SORCS2: variants seen among roughly 807,000 people sequenced by gnomAD.
SORCS2 encodes the protein sortilin related VPS10 domain containing receptor 2.
Under a neutral mutation model 141.6 loss-of-function variants are expected in SORCS2, and 100 were observed. The observed-to-expected ratio is 0.71, with a 90% CI of 0.60 to 0.83. The LOEUF is 0.83. SORCS2 is among the 40% of genes least tolerant of loss of function. SORCS2 has a pLI of 0.00. For missense variants in SORCS2, 1,646 were observed against 1,560.2 expected, an observed-to-expected ratio of 1.05 and a Z score of -0.93; for synonymous variants, 789 against 676.9, an observed-to-expected ratio of 1.17 and a Z score of -2.57.
intron 2 of SORCS2, among the ~76,000 whole-genome samples, chr4:7,521,636 G>C (rs755359481): frequency 6.6e-6 from 1 of 152,186 alleles, no homozygotes; most frequent in Non-Finnish European, 1.5e-5. Flanking sequence ...GAACTGGAAC[G>C]TGACCGAAGC....
chr4:7,360,119 T>A (rs3916113), intron 1 of SORCS2, among the ~76,000 whole-genome samples: 15,443 of 152,302 alleles, frequency 0.1, 860 homozygotes, highest in Middle Eastern at 0.14. Flanking sequence ...ATCTTTTTAA[T>A]GTTGCCAACG....
chr4:7,202,946 G>A (rs1727552405), intron 1 of SORCS2, among the ~76,000 whole-genome samples: 1 of 151,640 alleles, frequency 6.6e-6, no homozygotes. Flanking sequence ...GCTGCGTCAG[G>A]CACGTCATGC....
At chr4:7,512,249 G>A (rs1407104023) in intron 2 of SORCS2, among the ~76,000 whole-genome samples, 1 of 151,960 alleles carries the variant, frequency 6.6e-6, no homozygotes, top group Non-Finnish European at 1.5e-5. Flanking sequence ...CTCTGTGGCC[G>A]CATCTCGAAG....
chr4:7,376,780 T>C (rs10516185), intron 1 of SORCS2, among the ~76,000 whole-genome samples: 10,362 of 150,240 alleles, frequency 0.069, 994 homozygotes, highest in African/African-American at 0.22. Flanking sequence ...ACACTCCAAT[T>C]GAGTTAAACA....
intron 1 of SORCS2, among the ~76,000 whole-genome samples, chr4:7,360,975 C>G (rs570120883): frequency 6.6e-6 from 1 of 152,192 alleles, no homozygotes; most frequent in South Asian, 2.1e-4. Context: ...CCCTGTGGCT[C>G]TTGCATCAGG....
intron 2 of SORCS2, among the ~76,000 whole-genome samples, chr4:7,424,306 C>A (rs1351982815): frequency 6.6e-6 from 1 of 152,226 alleles, no homozygotes; most frequent in African/African-American, 2.4e-5. Flanking sequence ...TTCAGGAAAC[C>A]CCACGATGGC....
intron 1 of SORCS2, among the ~76,000 whole-genome samples, chr4:7,384,852 G>A (rs891398683): frequency 2.6e-5 from 4 of 152,248 alleles, no homozygotes; most frequent in Non-Finnish European, 2.9e-5. Flanking sequence ...AGCCCTTTGC[G>A]GAGATGCCTG....
chr4:7,586,039 A>C (rs1257188324), intron 3 of SORCS2, among the ~76,000 whole-genome samples: 1 of 151,846 alleles, frequency 6.6e-6, no homozygotes, highest in Admixed American at 6.6e-5. Flanking sequence ...TTTCATGTTG[A>C]CCTTGTCTTG....
intron 1 of SORCS2, among the ~76,000 whole-genome samples, chr4:7,239,800 A>T (rs1712561354): frequency 6.6e-6 from 1 of 152,114 alleles, no homozygotes; most frequent in Admixed American, 6.5e-5. Flanking sequence ...AAAAGAACTA[A>T]CTCTTTGATT....
intron 11 of SORCS2, among the ~76,000 whole-genome samples, chr4:7,692,430 T>G (rs1724315091): frequency 6.6e-6 from 1 of 152,190 alleles, no homozygotes; most frequent in African/African-American, 2.4e-5. Flanking sequence ...AGCCTCAGTT[T>G]CATCTGCAAA....
At chr4:7,312,997 G>A (rs1317498589) in intron 1 of SORCS2, among the ~76,000 whole-genome samples, 1 of 152,252 alleles carries the variant, frequency 6.6e-6, no homozygotes, top group Non-Finnish European at 1.5e-5. Context: ...AAGGCCTCGG[G>A]AACAGCATGT....
intron 8 of SORCS2, among the ~76,000 whole-genome samples, chr4:7,674,932 G>C (rs1012546274): frequency 6.6e-6 from 1 of 152,204 alleles, no homozygotes; most frequent in African/African-American, 2.4e-5. Context: ...GGTGGGGCCA[G>C]CCGGACCCTC....
At chr4:7,712,894 G>A in intron 15 of SORCS2, 41 bp downstream of exon 15, 1 of 1,608,892 alleles carries the variant, frequency 6.2e-7, no homozygotes, top group Non-Finnish European at 8.5e-7. Flanking sequence ...GTGGGGTACA[G>A]ACTGCAAACA....
intron 3 of SORCS2, among the ~76,000 whole-genome samples, chr4:7,587,767 C>T (rs1467685717): frequency 6.6e-6 from 1 of 152,184 alleles, no homozygotes; most frequent in African/African-American, 2.4e-5. Context: ...GGACTGTTTG[C>T]CCCCTCTTTC....
At chr4:7,737,406 T>C (rs968534303) in intron 26 of SORCS2, among the ~76,000 whole-genome samples, 1 of 151,968 alleles carries the variant, frequency 6.6e-6, no homozygotes, top group Non-Finnish European at 1.5e-5. Context: ...ATGTGGACGC[T>C]GAGGGCCCCA....
intron 3 of SORCS2, among the ~76,000 whole-genome samples, chr4:7,604,448 G>A (rs1052029771): frequency 6.6e-6 from 1 of 152,180 alleles, no homozygotes; most frequent in Admixed American, 6.5e-5. Flanking sequence ...CTCCTGAGTA[G>A]CTGGCACTAC....
intron 1 of SORCS2, among the ~76,000 whole-genome samples, chr4:7,208,871 C>G (rs1046020315): frequency 3.9e-5 from 6 of 152,246 alleles, no homozygotes; most frequent in Non-Finnish European, 7.3e-5. Flanking sequence ...CAAGGCCAGC[C>G]TGGTCTGTGT....
intron 8 of SORCS2, among the ~76,000 whole-genome samples, chr4:7,674,182 G>T (rs977901474): frequency 6.6e-6 from 1 of 151,840 alleles, no homozygotes; most frequent in Non-Finnish European, 1.5e-5. Context: ...GTGTGTCTCG[G>T]TGCCAGTCAT....
chr4:7,243,034 G>T (rs1378093685), intron 1 of SORCS2, among the ~76,000 whole-genome samples: 2 of 149,658 alleles, frequency 1.3e-5, no homozygotes, highest in Non-Finnish European at 3.0e-5. Context: ...GTCATTGGCT[G>T]CAGGGCCCCT....
Sources: allele counts gnomAD v4.1 joint callset (sites outside exome capture counted in the v4.1 genomes callset), GRCh38; gene constraint gnomAD v4.1.1; transcripts MANE v1.5; gene names NCBI Gene and HGNC (gene_info 2026-07-23, HGNC 2026-07-21).